ZNF705A: variants seen among roughly 807,000 people sequenced by gnomAD.
ZNF705A encodes zinc finger protein 705A.
ZNF705A carries 8 observed loss-of-function variants against 16.6 expected under a neutral mutation model. The ratio of observed to expected loss-of-function variants is 0.48; its 90% CI spans 0.28 to 0.87. The LOEUF (loss-of-function observed/expected upper bound fraction) is 0.87, where lower values mean the gene tolerates loss of function less well. ZNF705A is among the 40% of genes least tolerant of loss of function. The pLI is 0.10. For synonymous variants in ZNF705A, 73 were observed against 117.3 expected (o/e 0.62, Z 2.44); for missense variants, 233 against 359.9 (o/e 0.65, Z 2.85).
At chr12:8,161,501 C>CT (rs35192835) in intron 1 of ZNF705A, among the ~76,000 whole-genome samples, 71,684 of 151,664 alleles carry the variant, frequency 0.47, 17,125 homozygotes, top group South Asian at 0.6. Context: ...TTCAGGGTAT[C>CT]TAATTCTTCC....
At chr12:8,160,054 A>G (rs12302487) in intron 1 of ZNF705A, among the ~76,000 whole-genome samples, 1,901 of 152,228 alleles carry the variant, frequency 0.012, 50 homozygotes, top group African/African-American at 0.044. Context: ...CTAGCCAATT[A>G]TCCCAGCACC....
rs746266714 is a variant in ZNF705A at position 8,173,529 on chromosome 12, G to T, written c.13-797G>T. On this transcript the variant is annotated intron_variant, in intron 1 of 4. Transcript: ENST00000359286. Reference sequence around the variant, plus strand: ...CTGATGTTTGGATTGCCGAGAGAAAGTTGAGAACAGGAGGCTTCATATCAC... The same window carrying T: ...CTGATGTTTGGATTGCCGAGAGAAATTTGAGAACAGGAGGCTTCATATCAC... Among the ~76,000 whole-genome samples, 5 of 152,300 alleles carry T rather than the reference G, an allele frequency of 3.3e-5. No individual in the cohort carries two copies. In the South Asian group the frequency reaches 1.0e-3, roughly 32 times the overall value.
At chr12:8,174,478 T>C (rs1301051000) in intron 2 of ZNF705A, 26 bp downstream of exon 3, 1 of 1,592,424 alleles carries the variant, frequency 6.3e-7, no homozygotes, top group Non-Finnish European at 8.5e-7. Context: ...TTCACGTACA[T>C]ATGTAGACAC....
upstream of ZNF705A, among the ~76,000 whole-genome samples, chr12:8,169,787 A>T (rs2120715024): frequency 6.6e-6 from 1 of 152,360 alleles, no homozygotes; most frequent in African/African-American, 2.4e-5. Context: ...GTGTCTAAAT[A>T]GCCGTGAAAG....
intron 1 of ZNF705A, among the ~76,000 whole-genome samples, chr12:8,165,592 G>A (rs1328617448): frequency 7.3e-5 from 11 of 151,106 alleles, no homozygotes; most frequent in Non-Finnish European, 1.6e-4. Context: ...CACATTGTGT[G>A]ATGCTGAGGA....
In ZNF705A at chr12:8,160,773, C is replaced by G. The variant is rs777269087; in HGVS notation, c.-72+3681C>G. Among the ~76,000 whole-genome samples, 215 of 152,166 alleles carry G rather than the reference C, an allele frequency of 1.4e-3. 2 individuals are homozygous for G. The highest frequency in any genetic ancestry group is 4.9e-3 in the African/African-American group (203 of 41,514). On this transcript the variant is annotated intron_variant, in intron 1 of 5. Coordinates refer to the ZNF705A transcript ENST00000396570. ...GATAAATGACCATATTATCAGCAAA[C>G]GGTGACAGCTGACTTCCTCTTTACT...
chr12:8,161,799 G>A (rs1483436311), intron 1 of ZNF705A, among the ~76,000 whole-genome samples: 2 of 152,078 alleles, frequency 1.3e-5, no homozygotes, highest in Admixed American at 6.6e-5. Flanking sequence ...GGAGGCCGCC[G>A]GCAACCCATA....
At chr12:8,168,099 C>T (rs935722886), upstream of ZNF705A, among the ~76,000 whole-genome samples, 20 of 152,146 alleles carry the variant, frequency 1.3e-4, no homozygotes, top group Admixed American at 1.1e-3. Context: ...TTTCCTTTTC[C>T]GGTGGAGTGT....
chr12:8,158,852 G>A (rs1948330822), intron 1 of ZNF705A, among the ~76,000 whole-genome samples: 1 of 151,968 alleles, frequency 6.6e-6, no homozygotes, highest in African/African-American at 2.4e-5. Flanking sequence ...TGGGGTACAG[G>A]GAGTATTTGG....
intron 1 of ZNF705A, among the ~76,000 whole-genome samples, chr12:8,163,299 C>T (rs1315329329): frequency 3.3e-5 from 5 of 152,124 alleles, no homozygotes; most frequent in African/African-American, 1.2e-4. Context: ...CGCTTAGTTC[C>T]ATCTCATGAT....
chr12:8,172,880 A>G (rs1185382446), intron 1 of ZNF705A, among the ~76,000 whole-genome samples: 1 of 152,216 alleles, frequency 6.6e-6, no homozygotes, highest in Non-Finnish European at 1.5e-5. Context: ...CTAAATTATC[A>G]ATATAATTTC....
At chr12:8,179,177 C>T (rs1262982359) in exon 5 of ZNF705A, 9 of 152,158 alleles carry the variant, frequency 5.9e-5, no homozygotes, top group Admixed American at 4.6e-4. Flanking sequence ...GAAATTTTGT[C>T]CCTGGAGCCT....
At chr12:8,172,067 G>A (rs11043734), upstream of ZNF705A, among the ~76,000 whole-genome samples, 80,818 of 151,232 alleles carry the variant, frequency 0.53, 21,807 homozygotes, top group Non-Finnish European at 0.57. Context: ...ATTATTTCCA[G>A]GTTCCAAGGG....
At chr12:8,169,128 T>C (rs1948423547), upstream of ZNF705A, among the ~76,000 whole-genome samples, 1 of 152,258 alleles carries the variant, frequency 6.6e-6, no homozygotes, top group Non-Finnish European at 1.5e-5. Flanking sequence ...TATGTAAATA[T>C]GTTGCATATT....
chr12:8,164,556 G>T (rs1172676187), intron 1 of ZNF705A, among the ~76,000 whole-genome samples: 1 of 152,134 alleles, frequency 6.6e-6, no homozygotes, highest in Non-Finnish European at 1.5e-5. Flanking sequence ...TCACCGTTCT[G>T]CTCCCACTTG....
chr12:8,168,481 T>C (rs1948418539), upstream of ZNF705A, among the ~76,000 whole-genome samples: 1 of 152,254 alleles, frequency 6.6e-6, no homozygotes. Flanking sequence ...ATTATTTGTG[T>C]GCCTTTTCCA....
chr12:8,178,153 T>A (rs1373332320), exon 5 of ZNF705A: 1 of 158,386 alleles, frequency 6.3e-6, no homozygotes, highest in African/African-American at 2.4e-5. Flanking sequence ...TTTCTGTGAA[T>A]AAACATTCAG....
intron 1 of ZNF705A, 48 bp downstream of exon 1, chr12:8,157,140 T>C (rs773831474): frequency 2.5e-6 from 1 of 397,286 alleles, no homozygotes; most frequent in East Asian, 3.6e-5. Context: ...AATGTCCACA[T>C]TCCTATTCAG....
chr12:8,179,753 A>T (rs1424385056), exon 5 of ZNF705A: 3 of 152,202 alleles, frequency 2.0e-5, no homozygotes, highest in Non-Finnish European at 4.4e-5. Context: ...AGCTCATATC[A>T]TTATTTATTG....
Sources: gnomAD v4.1 joint callset for allele counts (sites outside exome capture counted in the v4.1 genomes callset) on GRCh38, gnomAD v4.1.1 for gene constraint, MANE v1.5 for transcripts, NCBI Gene and HGNC (gene_info 2026-07-23, HGNC 2026-07-21) for gene names.